The following CACNA1C variants were observed in gnomAD, a reference collection of about 807,000 sequenced individuals.
CACNA1C encodes the protein voltage-dependent L-type calcium channel subunit alpha-1C.
Under a neutral mutation model 229.0 loss-of-function variants are expected in CACNA1C, and 30 were observed. The ratio of observed to expected loss-of-function variants is 0.13; its 90% confidence interval spans 0.10 to 0.18. The LOEUF is 0.18. Ranked by LOEUF, CACNA1C falls within the 10% of genes least tolerant of loss-of-function variation. CACNA1C has a pLI of 1.00. For synonymous variants in CACNA1C, 1,114 were observed against 1,132.5 expected, an observed-to-expected ratio of 0.98 and a Z score of 0.33; for missense variants, 1,658 against 2,845.0, an observed-to-expected ratio of 0.58 and a Z score of 9.49.
intron 3 of CACNA1C, among the ~76,000 whole-genome samples, chr12:2,228,348 T>G (rs1240044323): frequency 2.6e-5 from 4 of 152,196 alleles, no homozygotes; most frequent in African/African-American, 4.8e-5. Flanking sequence ...CTTCTTTATC[T>G]TACACAAACC....
intron 3 of CACNA1C, among the ~76,000 whole-genome samples, chr12:2,166,668 A>G (rs1156622348): frequency 6.6e-6 from 1 of 152,198 alleles, no homozygotes; most frequent in Non-Finnish European, 1.5e-5. Flanking sequence ...GGAGGACTAA[A>G]TGGGTTAGTA....
chr12:2,177,555 C>T (rs2096684838), intron 3 of CACNA1C, among the ~76,000 whole-genome samples: 3 of 124,866 alleles, frequency 2.4e-5, no homozygotes, highest in South Asian at 6.7e-4. Context: ...CCTTCCTTCC[C>T]TTTCCTTCCC....
At chr12:2,207,667 A>T (rs982361835) in intron 3 of CACNA1C, among the ~76,000 whole-genome samples, 1 of 152,096 alleles carries the variant, frequency 6.6e-6, no homozygotes, top group African/African-American at 2.4e-5. Context: ...AAAAAAAATT[A>T]GTCAGGTGTG....
chr12:2,536,913 G>T (rs1447063469), intron 9 of CACNA1C, among the ~76,000 whole-genome samples: 1 of 152,200 alleles, frequency 6.6e-6, no homozygotes, highest in Non-Finnish European at 1.5e-5. Flanking sequence ...TCATGATTAA[G>T]ATCTCCATTT....
intron 3 of CACNA1C, among the ~76,000 whole-genome samples, chr12:2,235,072 C>T (rs1350029150): frequency 6.6e-6 from 1 of 152,182 alleles, no homozygotes; most frequent in Non-Finnish European, 1.5e-5. Flanking sequence ...TTATTCCTTG[C>T]TCTTCTGCAC....
chr12:2,076,816 C>T (rs776524757), intron 1 of CACNA1C, among the ~76,000 whole-genome samples: 3 of 152,150 alleles, frequency 2.0e-5, no homozygotes, highest in Non-Finnish European at 4.4e-5. Flanking sequence ...TTGGAAGGCC[C>T]GGGAGACCTC....
chr12:2,055,778 C>G (rs772751641), intron 1 of CACNA1C, among the ~76,000 whole-genome samples: 1 of 152,156 alleles, frequency 6.6e-6, no homozygotes, highest in Non-Finnish European at 1.5e-5. Context: ...TTTCTAGATG[C>G]GGTTCCCAGG....
chr12:2,360,216 T>G (rs1261471904), intron 3 of CACNA1C, among the ~76,000 whole-genome samples: 4 of 113,646 alleles, frequency 3.5e-5, no homozygotes, highest in Non-Finnish European at 5.0e-5. Context: ...CCAGGACAAA[T>G]GCAGAACTAA....
At chr12:2,396,205 T>C (rs145282682) in intron 3 of CACNA1C, among the ~76,000 whole-genome samples, 112 of 152,286 alleles carry the variant, frequency 7.4e-4, no homozygotes, top group African/African-American at 2.6e-3. Context: ...CTGTGCCAAG[T>C]TGTGTATCTT....
At chr12:2,398,448 G>T (rs2098627026) in intron 3 of CACNA1C, among the ~76,000 whole-genome samples, 1 of 152,232 alleles carries the variant, frequency 6.6e-6, no homozygotes, top group African/African-American at 2.4e-5. Flanking sequence ...CAGCATGGCT[G>T]GGTGGTGCTG....
chr12:2,263,593 G>T (rs1057319132), intron 3 of CACNA1C, among the ~76,000 whole-genome samples: 2 of 152,072 alleles, frequency 1.3e-5, no homozygotes, highest in African/African-American at 4.8e-5. Context: ...AGAGGCAGAT[G>T]TTAGCAGCTT....
chr12:2,097,446 A>C (rs999955169), intron 1 of CACNA1C, among the ~76,000 whole-genome samples: 3 of 152,202 alleles, frequency 2.0e-5, no homozygotes, highest in African/African-American at 7.2e-5. Context: ...GCGCCTGGCC[A>C]CATTTAATTT....
intron 1 of CACNA1C, among the ~76,000 whole-genome samples, chr12:2,026,487 G>A (rs1479648669): frequency 1.3e-5 from 2 of 152,190 alleles, no homozygotes; most frequent in Non-Finnish European, 2.9e-5. Context: ...AAGGTGAGAG[G>A]TGAGGAGAGC....
At chr12:2,596,048 T>C in intron 20 of CACNA1C, 45 bp downstream of exon 20, 1 of 1,556,604 alleles carries the variant, frequency 6.4e-7, no homozygotes, top group Non-Finnish European at 8.7e-7. Context: ...CCTGGGGCTG[T>C]GCCAGGCCCA....
chr12:2,302,222 C>T (rs893046551), intron 3 of CACNA1C, among the ~76,000 whole-genome samples: 7 of 152,010 alleles, frequency 4.6e-5, no homozygotes, highest in Non-Finnish European at 8.8e-5. Flanking sequence ...TTAACCCATT[C>T]GCCATTCTCT....
At chr12:2,554,393 C>T (rs1420088464) in intron 10 of CACNA1C, among the ~76,000 whole-genome samples, 2 of 152,128 alleles carry the variant, frequency 1.3e-5, no homozygotes, top group African/African-American at 2.4e-5. Context: ...TTCAAGAATC[C>T]GCTCAACCTG....
intron 3 of CACNA1C, among the ~76,000 whole-genome samples, chr12:2,283,020 C>CTT (rs374051091): frequency 1.1e-3 from 157 of 144,364 alleles, no homozygotes; most frequent in Middle Eastern, 3.7e-3. Flanking sequence ...CACTCTGGCC[C>CTT]TTTTTTTTTT....
intron 3 of CACNA1C, among the ~76,000 whole-genome samples, chr12:2,229,999 C>T (rs1175732287): frequency 3.9e-5 from 6 of 152,218 alleles, no homozygotes; most frequent in Non-Finnish European, 8.8e-5. Context: ...CCTGTGTGCG[C>T]GCCCGCCTGG....
rs143566673 is a variant in CACNA1C at position 2,015,728 on chromosome 12, A to T, written c.139+44527A>T. On this transcript the variant is annotated intron_variant, in intron 1 of 46. Coordinates refer to the CACNA1C transcript ENST00000682462. ...TCTCAAAGTGATTCAAACAGCAGGCAGAATGGAGAACCACTGGACAGCCTG... is the reference window on the plus strand; with the variant it reads ...TCTCAAAGTGATTCAAACAGCAGGCTGAATGGAGAACCACTGGACAGCCTG... Among the ~76,000 whole-genome samples, 94 of 152,326 alleles carry T rather than the reference A, an allele frequency of 6.2e-4. 1 individual carries two copies. Among genetic ancestry groups the T allele is most frequent in the African/African-American group, 2.2e-3 (92 of 41,580 alleles).
Sources: gnomAD v4.1 joint callset for allele counts (sites outside exome capture counted in the v4.1 genomes callset) on GRCh38, gnomAD v4.1.1 for gene constraint, MANE v1.5 for transcripts, NCBI Gene and HGNC (gene_info 2026-07-23, HGNC 2026-07-21) for gene names.